Variants in NUP155 observed in about 807,000 individuals in gnomAD.
NUP155 encodes nuclear pore complex protein Nup155.
In NUP155, 71 loss-of-function variants were observed where a neutral mutation model predicts 180.4. That is an observed-to-expected ratio of 0.39 (90% CI 0.33 to 0.48). NUP155 has a LOEUF of 0.48. Ranked by LOEUF, NUP155 falls within the 20% of genes least tolerant of loss-of-function variation. The pLI, the probability that NUP155 is intolerant of heterozygous loss-of-function variation, is 0.91. For synonymous variants in NUP155, 582 were observed against 559.5 expected (o/e 1.04, Z -0.57); for missense variants, 1,553 against 1,648.9 (o/e 0.94, Z 1.01).
At position 37,351,247 on chromosome 5, in the gene NUP155, A is replaced by G; in HGVS notation, c.666T>C (p.Asp222=). The G allele has an allele frequency of 6.2e-7, 1 of 1,613,896 alleles. No individual in the cohort carries two copies. ...TTCCAGCCAAGAAAATTCTGCCATT[A>G]TCAGTGGAAGTTATTGTTAAAAGGT... ...NTYLLTITST[D]NGRIFLAGKD... is the part of the protein sequence containing the mutation. The change falls in exon 6 of 35, where the codon GAT becomes GAC. Residue 222 remains aspartate, a synonymous_variant. Coordinates refer to ENST00000231498, the MANE Select transcript of NUP155 (RefSeq NM_153485.3).
At chr5:37,369,871 T>A (rs751057936) in intron 1 of NUP155, among the ~76,000 whole-genome samples, 1 of 152,254 alleles carries the variant, frequency 6.6e-6, no homozygotes, top group African/African-American at 2.4e-5. Flanking sequence ...TTCTAGCAAC[T>A]GATGTAATTC....
chr5:37,343,093 G>A (rs562987828), intron 9 of NUP155, among the ~76,000 whole-genome samples: 1 of 144,206 alleles, frequency 6.9e-6, no homozygotes, highest in Non-Finnish European at 1.5e-5. Flanking sequence ...TCTTTTTTTT[G>A]AGACGGAGTC....
chr5:37,306,626 C>T (rs957326204), intron 25 of NUP155, among the ~76,000 whole-genome samples: 3 of 151,884 alleles, frequency 2.0e-5, no homozygotes, highest in South Asian at 4.2e-4. Context: ...CACCACCACG[C>T]CTGGCTAATT....
chr5:37,303,413 AC>A lies in NUP155; in HGVS notation c.3163del (p.Val1055LeufsTer10). On this transcript the variant is annotated frameshift_variant and splice_region_variant, in exon 28 of 35. Transcript: ENST00000231498. LOFTEE classifies it high-confidence loss of function. Reference sequence around the variant, plus strand: ...ATGTGGCTCCAGAAATGGAGAAGCAACCTAGAAATTATATAGTTATTCAGAA... The same window carrying A: ...ATGTGGCTCCAGAAATGGAGAAGCAACTAGAAATTATATAGTTATTCAGAA... ...QVDLADKLLQVASPFLEPHLV... is the reference protein window; with the variant it reads ...QVDLADKLLQXASPFLEPHLV... The A allele has an allele frequency of 6.2e-7, 1 of 1,613,784 alleles. No individual in the cohort carries two copies. Among genetic ancestry groups the A allele is most frequent in the Non-Finnish European group, 8.5e-7 (1 of 1,179,758 alleles).
intron 13 of NUP155, among the ~76,000 whole-genome samples, chr5:37,332,074 T>G (rs1745000146): frequency 6.7e-6 from 1 of 150,074 alleles, no homozygotes; most frequent in Non-Finnish European, 1.5e-5. Flanking sequence ...AAAGAAAACT[T>G]AATGCAATTG....
chr5:37,297,908 C>A (rs1370871431), intron 32 of NUP155, among the ~76,000 whole-genome samples: 1 of 146,734 alleles, frequency 6.8e-6, no homozygotes, highest in Non-Finnish European at 1.5e-5. Flanking sequence ...CAGAGATGGT[C>A]TGTAAACAAG....
chr5:37,358,254 G>A, intron 3 of NUP155, 103 bp from the exon 4 acceptor site: 3 of 813,298 alleles, frequency 3.7e-6, no homozygotes, highest in Non-Finnish European at 6.4e-6. Flanking sequence ...TGAGGCAGGA[G>A]GACTGCCTGA....
At position 37,327,689 on chromosome 5, in the gene NUP155, G is replaced by C. The variant is rs967604271; in HGVS notation, c.1964C>G (p.Pro655Arg). ...QATNMSCVTGPEIVYSGKHNG... is the reference protein window; with the variant it reads ...QATNMSCVTGREIVYSGKHNG... ...GTGTTTTCCAGAGTACACAATCTCT[G>C]GTCCAGTCACACAACTCATATTTGT... Residue 655 changes from proline to arginine, a missense_variant, in exon 18 of 35, where the codon CCA (proline) becomes CGA (arginine). Pro to Arg is a moderately radical substitution (Grantham distance 103). Coordinates refer to ENST00000231498, the MANE Select transcript of NUP155 (RefSeq NM_153485.3). 1.1e-5 allele frequency: 18 copies of C among 1,613,924 alleles called. No individual in the cohort carries two copies. Among genetic ancestry groups the C allele is most frequent in the African/African-American group, 2.7e-5 (2 of 74,902 alleles).
intron 21 of NUP155, among the ~76,000 whole-genome samples, 179 bp downstream of exon 21, chr5:37,317,809 T>A (rs1391438744): frequency 6.6e-6 from 1 of 151,474 alleles, no homozygotes; most frequent in African/African-American, 2.4e-5. Context: ...CAACTCAGCC[T>A]TCCAAAGTGC....
chr5:37,368,087 T>C (rs757648802), intron 1 of NUP155, among the ~76,000 whole-genome samples: 3 of 152,060 alleles, frequency 2.0e-5, no homozygotes, highest in Non-Finnish European at 4.4e-5. Flanking sequence ...AGCCACTTTT[T>C]GTAGAGACAG....
At chr5:37,339,500 T>C (rs1336612964) in intron 11 of NUP155, among the ~76,000 whole-genome samples, 1 of 151,862 alleles carries the variant, frequency 6.6e-6, no homozygotes, top group Non-Finnish European at 1.5e-5. Context: ...TGGTGGCACA[T>C]GCCTGTAGTC....
intron 12 of NUP155, among the ~76,000 whole-genome samples, chr5:37,336,853 ACCTTTTTC>A (rs1359197104): frequency 6.6e-6 from 1 of 151,908 alleles, no homozygotes; most frequent in Non-Finnish European, 1.5e-5. Flanking sequence ...ACTTACACAC[ACCTTTTTC>A]CAGTCCCATC....
At chr5:37,313,695 G>A (rs1413251559) in intron 22 of NUP155, among the ~76,000 whole-genome samples, 1 of 152,044 alleles carries the variant, frequency 6.6e-6, no homozygotes, top group Non-Finnish European at 1.5e-5. Context: ...GTAGAGATGG[G>A]TCCTGACATC....
intron 11 of NUP155, among the ~76,000 whole-genome samples, chr5:37,339,150 C>T (rs1396917379): frequency 6.6e-6 from 1 of 152,018 alleles, no homozygotes; most frequent in Non-Finnish European, 1.5e-5. Context: ...AGGCTGATCA[C>T]TTGAGCCCAG....
intron 24 of NUP155, among the ~76,000 whole-genome samples, chr5:37,307,942 GA>G (rs34228665): frequency 0.058 from 7,925 of 135,812 alleles, 510 homozygotes; most frequent in African/African-American, 0.16. Flanking sequence ...AAAGAAAAAG[GA>G]AAAAAAAAAA....
chr5:37,343,948 C>T (rs1333166385), intron 9 of NUP155, among the ~76,000 whole-genome samples: 2 of 152,044 alleles, frequency 1.3e-5, no homozygotes, highest in African/African-American at 4.8e-5. Flanking sequence ...TGGTTAAAAT[C>T]ACCTCAATGA....
At chr5:37,324,520 T>C (rs949392803) in intron 19 of NUP155, among the ~76,000 whole-genome samples, 11 of 152,132 alleles carry the variant, frequency 7.2e-5, no homozygotes, top group African/African-American at 2.7e-4. Flanking sequence ...TGGAATCATA[T>C]ACTGTGTTAG....
rs771513739 is a variant in NUP155, at chr5:37,351,272, T to C, written c.641A>G (p.Tyr214Cys). ...PLYSLPTDNT[Y>C]LLTITSTDNG... Reference sequence around the variant, plus strand: ...ATCAGTGGAAGTTATTGTTAAAAGGTAAGTATTATCAGTAGGAAGAGAATA... The same window carrying C: ...ATCAGTGGAAGTTATTGTTAAAAGGCAAGTATTATCAGTAGGAAGAGAATA... The change falls in exon 6 of 35, where the codon TAC (tyrosine) becomes TGC (cysteine). Residue 214 changes from tyrosine (Y) to cysteine (C), a missense_variant. Transcript: ENST00000231498. The C allele has an allele frequency of 1.2e-5, 20 of 1,612,904 alleles. No individual in the cohort carries two copies. The highest frequency in any genetic ancestry group is 2.7e-5 in the African/African-American group (2 of 74,822).
At chr5:37,293,961 T>TGCAGTCC (rs1238728113) in intron 33 of NUP155, among the ~76,000 whole-genome samples, 9 of 67,930 alleles carry the variant, frequency 1.3e-4, no homozygotes, top group South Asian at 4.0e-4. Flanking sequence ...ATTGCGCCAC[T>TGCAGTCC]GCAGTCCGCA....
Sources: gnomAD v4.1 joint callset for allele counts (sites outside exome capture counted in the v4.1 genomes callset) on GRCh38, gnomAD v4.1.1 for gene constraint, MANE v1.5 for transcripts, NCBI Gene and HGNC (gene_info 2026-07-23, HGNC 2026-07-21) for gene names.